ZNF343: variants seen among roughly 807,000 people sequenced by gnomAD.
The protein encoded by ZNF343 is zinc finger protein 343.
Under a neutral mutation model 13.8 loss-of-function variants are expected in ZNF343, and 11 were observed. That is an observed-to-expected ratio of 0.80 (90% CI 0.50 to 1.32). The LOEUF is 1.32. ZNF343 is among the 40% of genes most tolerant of loss of function. The pLI is 0.00. For missense variants in ZNF343, 658 were observed against 714.2 expected, an observed-to-expected ratio of 0.92 and a Z score of 0.90; for synonymous variants, 248 against 260.0, an observed-to-expected ratio of 0.95 and a Z score of 0.44.
In ZNF343 at chr20:2,500,653, TACC is replaced by T. The variant is rs1568485759; in HGVS notation, c.-150_-150+2del. ...GGGAATGTGAAAGGTAAGTGGTACC[TACC>T]TGATAGGAAGTTCTCGGGAGCACAG... On this transcript the variant is annotated splice_donor_variant and 5_prime_UTR_variant, in exon 2 of 6. Coordinates refer to ENST00000278772, the MANE Select transcript of ZNF343 (RefSeq NM_024325.6). LOFTEE classifies it low-confidence loss of function (5UTR_SPLICE). 6.6e-6 allele frequency: 1 copy of T among 152,208 alleles called. No individual in the cohort carries two copies. The highest frequency in any genetic ancestry group is 2.4e-5 in the African/African-American group (1 of 41,440). The allele number at this position is 152,208 out of a possible 1,614,324, so 9.4% of individuals were successfully genotyped here. A position where few individuals can be genotyped will look rare whatever the true frequency, so the allele number is the denominator to read the frequency against.
intron 1 of ZNF343, among the ~76,000 whole-genome samples, chr20:2,504,105 G>A (rs1488689004): frequency 2.6e-5 from 4 of 151,908 alleles, no homozygotes; most frequent in Non-Finnish European, 5.9e-5. Flanking sequence ...TCAAATAGAC[G>A]CAATAAAAAA....
chr20:2,512,136 G>A (rs1028573421), upstream of ZNF343, among the ~76,000 whole-genome samples: 9 of 152,190 alleles, frequency 5.9e-5, no homozygotes, highest in African/African-American at 2.2e-4. Flanking sequence ...TTTGTACACT[G>A]AAAATTACAA....
chr20:2,517,349 A>C (rs1393386657), intron 1 of ZNF343, among the ~76,000 whole-genome samples: 1 of 147,512 alleles, frequency 6.8e-6, no homozygotes, highest in Non-Finnish European at 1.5e-5. Flanking sequence ...ATACACATTC[A>C]GCCAATGTAT....
intron 1 of ZNF343, among the ~76,000 whole-genome samples, chr20:2,503,210 C>G (rs766465064): frequency 6.6e-6 from 1 of 151,552 alleles, no homozygotes; most frequent in Admixed American, 6.6e-5. Context: ...TCAAAAGAGA[C>G]AAGACCATTA....
chr20:2,515,599 C>G (rs940026848), intron 1 of ZNF343, among the ~76,000 whole-genome samples: 1 of 152,190 alleles, frequency 6.6e-6, no homozygotes, highest in Non-Finnish European at 1.5e-5. Context: ...TGGAGCTTCT[C>G]TTTTACATAC....
In ZNF343 at chr20:2,500,657, TGATAGGAAGTTC is replaced by T. The variant is rs1568485774; in HGVS notation, c.-163_-152del. ...ATGTGAAAGGTAAGTGGTACCTACC[TGATAGGAAGTTC>T]TCGGGAGCACAGAAGTCTTTCCTTT... is the stretch of plus-strand genomic sequence containing the variant. On this transcript the variant is annotated splice_region_variant and 5_prime_UTR_variant, in exon 2 of 6. Transcript: ENST00000278772. 6.6e-6 allele frequency: 1 copy of T among 152,204 alleles called. No individual in the cohort carries two copies. The highest frequency in any genetic ancestry group is 2.4e-5 in the African/African-American group (1 of 41,438). The allele number at this position is 152,204 out of a possible 1,614,324, so 9.4% of individuals were successfully genotyped here.
At chr20:2,501,194 T>A (rs979236996) in intron 1 of ZNF343, among the ~76,000 whole-genome samples, 7 of 152,072 alleles carry the variant, frequency 4.6e-5, no homozygotes, top group African/African-American at 1.7e-4. Context: ...CCTACGCCCA[T>A]GGACCCTCGC....
intron 3 of ZNF343, 36 bp from the exon 4 acceptor site, chr20:2,493,613 C>A (rs759005087): frequency 2.5e-6 from 3 of 1,177,834 alleles, no homozygotes; most frequent in Non-Finnish European, 2.4e-6. Flanking sequence ...GAAACCAGAC[C>A]CCCCCACCCC....
chr20:2,486,814 A>G (rs1461627236), intron 5 of ZNF343: 1 of 152,110 alleles, frequency 6.6e-6, no homozygotes, highest in African/African-American at 2.4e-5. Context: ...TTGTGGACCC[A>G]CATCCTTACA....
intron 5 of ZNF343, among the ~76,000 whole-genome samples, chr20:2,491,109 T>C (rs6076199): frequency 0.38 from 57,035 of 152,046 alleles, 11,449 homozygotes; most frequent in Non-Finnish European, 0.46. Flanking sequence ...TCCAAAAATG[T>C]GATTCTTCTC....
chr20:2,507,235 G>A (rs1196289113), intron 1 of ZNF343, among the ~76,000 whole-genome samples: 1 of 146,280 alleles, frequency 6.8e-6, no homozygotes, highest in African/African-American at 2.6e-5. Context: ...CTGCACTCCA[G>A]CCTGGGCAAC....
At position 2,508,649 on chromosome 20, in the gene ZNF343, G is replaced by T. The variant is rs1004851701; in HGVS notation, c.-237+232C>A. On this transcript the variant is annotated intron_variant, in intron 1 of 5. Coordinates refer to ENST00000278772, the MANE Select transcript of ZNF343 (RefSeq NM_024325.6). The surrounding 1 kb of genome is among the most constrained non-coding windows in gnomAD (Gnocchi z 4.5). ...GTTCTAGGTCACTCTCGTCCCCCCG[G>T]GGGGAAAAAAGGTCCGCGGAGGTCC... is the stretch of plus-strand genomic sequence containing the variant. 9.2e-5 allele frequency among the ~76,000 whole-genome samples: 14 copies of T among 152,246 alleles called. No homozygotes were observed. Among genetic ancestry groups the T allele is most frequent in the African/African-American group, 3.4e-4 (14 of 41,556 alleles).
intron 5 of ZNF343, among the ~76,000 whole-genome samples, chr20:2,488,551 C>T (rs1346306915): frequency 2.0e-5 from 3 of 151,992 alleles, no homozygotes; most frequent in Admixed American, 1.3e-4. Context: ...CATTTTAATT[C>T]TAAAGGTTTT....
At position 2,508,027 on chromosome 20, in the gene ZNF343, C is replaced by T. The variant is rs902936932; in HGVS notation, c.-237+854G>A. On this transcript the variant is annotated intron_variant, in intron 1 of 5. Coordinates refer to ENST00000278772, the MANE Select transcript of ZNF343 (RefSeq NM_024325.6). The surrounding 1 kb of genome is among the most constrained non-coding windows in gnomAD (Gnocchi z 4.5). Reference sequence around the variant, plus strand: ...GCCAGACGGGCCACCCAGATGACGACCAAACCCAGGAACTTTGCCACAAAG... The same window carrying T: ...GCCAGACGGGCCACCCAGATGACGATCAAACCCAGGAACTTTGCCACAAAG... 6.6e-6 allele frequency among the ~76,000 whole-genome samples: 1 copy of T among 151,996 alleles called. No homozygotes were observed. Among genetic ancestry groups the T allele is most frequent in the Non-Finnish European group, 1.5e-5 (1 of 68,008 alleles).
intron 2 of ZNF343, among the ~76,000 whole-genome samples, chr20:2,498,841 C>T (rs888170670): frequency 6.6e-6 from 1 of 152,116 alleles, no homozygotes; most frequent in Non-Finnish European, 1.5e-5. Context: ...GCGGTGAAGA[C>T]AGGCTTTGAA....
At chr20:2,517,472 T>C (rs2085764332) in intron 1 of ZNF343, among the ~76,000 whole-genome samples, 2 of 151,716 alleles carry the variant, frequency 1.3e-5, no homozygotes, top group African/African-American at 4.8e-5. Context: ...AGGGGCAGCC[T>C]GCTGAAGAAT....
upstream of ZNF343, among the ~76,000 whole-genome samples, chr20:2,512,307 T>C (rs1297436661): frequency 6.6e-6 from 1 of 152,144 alleles, no homozygotes; most frequent in Non-Finnish European, 1.5e-5. Context: ...TTTGCAGAAA[T>C]GGAAAAGTTG....
At chr20:2,512,638 C>T (rs2122751300), upstream of ZNF343, among the ~76,000 whole-genome samples, 1 of 152,232 alleles carries the variant, frequency 6.6e-6, no homozygotes, top group East Asian at 1.9e-4. Flanking sequence ...TGGACCTCTA[C>T]CTCCCACTGT....
At chr20:2,517,775 GGGATTAAAGGAGT>G (rs1416052363) in intron 1 of ZNF343, among the ~76,000 whole-genome samples, 9 of 151,886 alleles carry the variant, frequency 5.9e-5, no homozygotes, top group Non-Finnish European at 1.2e-4. Context: ...CCAAAGTGCT[GGGATTAAAGGAGT>G]GAGCCGTTGC....
Sources: gnomAD v4.1 joint callset for allele counts (sites outside exome capture counted in the v4.1 genomes callset) on GRCh38, gnomAD v4.1.1 for gene constraint, Gnocchi (gnomAD v3.1) non-coding constraint, MANE v1.5 for transcripts, NCBI Gene and HGNC (gene_info 2026-07-23, HGNC 2026-07-21) for gene names.